KANSL1L: variants seen among roughly 807,000 people sequenced by gnomAD.
KANSL1L encodes KAT8 regulatory NSL complex subunit 1 like.
KANSL1L carries 25 observed loss-of-function variants against 108.6 expected under a neutral mutation model. The observed-to-expected ratio is 0.23, with a 90% CI of 0.17 to 0.32. KANSL1L has a LOEUF of 0.32. Among genes scored for constraint, KANSL1L ranks in the 10% least tolerant of loss-of-function variants. KANSL1L has a pLI of 1.00. For missense variants in KANSL1L, 1,137 were observed against 1,125.7 expected (o/e 1.01, Z -0.14); for synonymous variants, 405 against 395.1 (o/e 1.03, Z -0.30).
intron 12 of KANSL1L, 21 bp downstream of exon 12, chr2:210,027,275 A>C: frequency 6.5e-7 from 1 of 1,540,522 alleles, no homozygotes. Flanking sequence ...CAATTATCCC[A>C]TTAAATGAAA....
chr2:210,100,844 C>A (rs541439237), intron 4 of KANSL1L, among the ~76,000 whole-genome samples: 2 of 152,208 alleles, frequency 1.3e-5, no homozygotes, highest in African/African-American at 4.8e-5. Flanking sequence ...CCCTGTGTTG[C>A]CCAGGCTGGT....
intron 2 of KANSL1L, among the ~76,000 whole-genome samples, chr2:210,130,992 A>G (rs1308836768): frequency 6.6e-6 from 1 of 152,136 alleles, no homozygotes; most frequent in Non-Finnish European, 1.5e-5. Flanking sequence ...TATTTCACGT[A>G]CCGCCCTACA....
intron 8 of KANSL1L, among the ~76,000 whole-genome samples, chr2:210,038,063 T>C (rs2094127104): frequency 6.6e-6 from 1 of 152,130 alleles, no homozygotes; most frequent in South Asian, 2.1e-4. Flanking sequence ...TCCATCCTTA[T>C]ATGAACTTTT....
chr2:210,032,029 A>G (rs1247712641), intron 8 of KANSL1L: 8 of 152,642 alleles, frequency 5.2e-5, no homozygotes, highest in Non-Finnish European at 1.2e-4. Context: ...ACATGAGTTT[A>G]TTCCTGTAGT....
intron 5 of KANSL1L, among the ~76,000 whole-genome samples, chr2:210,085,837 CTT>C (rs952302616): frequency 2.7e-5 from 4 of 150,394 alleles, no homozygotes; most frequent in Non-Finnish European, 3.0e-5. Flanking sequence ...AATATATTCA[CTT>C]ATATAATATT....
At chr2:210,074,957 G>A (rs1440540514) in intron 6 of KANSL1L, among the ~76,000 whole-genome samples, 1 of 152,104 alleles carries the variant, frequency 6.6e-6, no homozygotes, top group Non-Finnish European at 1.5e-5. Flanking sequence ...ACTAAAGGAA[G>A]TATACCCATT....
intron 6 of KANSL1L, among the ~76,000 whole-genome samples, chr2:210,056,453 T>C (rs1003153727): frequency 6.6e-6 from 1 of 152,142 alleles, no homozygotes; most frequent in Admixed American, 6.6e-5. Flanking sequence ...TCATTCACAT[T>C]TGATGAGGAT....
chr2:210,036,515 T>C (rs2094105573), intron 8 of KANSL1L, among the ~76,000 whole-genome samples: 1 of 152,106 alleles, frequency 6.6e-6, no homozygotes. Flanking sequence ...TCCATTATAC[T>C]ATATAATAGT....
intron 8 of KANSL1L, among the ~76,000 whole-genome samples, chr2:210,033,443 T>TA (rs1216758603): frequency 1.3e-5 from 2 of 152,328 alleles, no homozygotes; most frequent in Middle Eastern, 3.4e-3. Context: ...AAGCAAATCA[T>TA]AGACAATTAA....
At position 210,105,286 on chromosome 2, in the gene KANSL1L, G is replaced by GTT. The variant is rs375978743; in HGVS notation, c.1231-987_1231-986dup. 6.9e-5 allele frequency among the ~76,000 whole-genome samples: 10 copies of GTT among 145,876 alleles called. No individual in the cohort carries two copies. The East Asian group carries it at 1.6e-3, about 23-fold the overall frequency. On this transcript the variant is annotated intron_variant, in intron 3 of 14. Coordinates refer to ENST00000281772, the MANE Select transcript of KANSL1L (RefSeq NM_152519.4). ...TATATTACACATACACAGATATTAT[G>GTT]TTATATATATACTGATATTACATAT...
chr2:210,030,394 T>TA, intron 9 of KANSL1L, among the ~76,000 whole-genome samples: 1 of 152,072 alleles, frequency 6.6e-6, no homozygotes, highest in Admixed American at 6.5e-5. Context: ...ACTCTTTTTT[T>TA]AAAACAGCAT....
chr2:210,034,217 T>C (rs2094067896), intron 8 of KANSL1L, among the ~76,000 whole-genome samples: 1 of 152,250 alleles, frequency 6.6e-6, no homozygotes. Flanking sequence ...TGTTAAGGAA[T>C]GCAATTGTAA....
At chr2:210,108,626 CGT>C (rs1238248398) in intron 3 of KANSL1L, among the ~76,000 whole-genome samples, 1 of 151,906 alleles carries the variant, frequency 6.6e-6, no homozygotes, top group Non-Finnish European at 1.5e-5. Context: ...CTATAAAAAA[CGT>C]GTGAAATTAT....
chr2:210,138,993 G>T (rs1309020608), intron 2 of KANSL1L, among the ~76,000 whole-genome samples: 1 of 152,108 alleles, frequency 6.6e-6, no homozygotes, highest in East Asian at 1.9e-4. Context: ...CAGCTACTGG[G>T]GAGGCTGAGG....
intron 6 of KANSL1L, among the ~76,000 whole-genome samples, chr2:210,048,065 TTA>T (rs2094245131): frequency 6.6e-6 from 1 of 152,192 alleles, no homozygotes; most frequent in African/African-American, 2.4e-5. Context: ...CTTTTGCCAT[TTA>T]TGTGTTAAGC....
intron 3 of KANSL1L, among the ~76,000 whole-genome samples, chr2:210,122,008 T>G (rs1315533452): frequency 2.0e-5 from 3 of 152,008 alleles, no homozygotes; most frequent in East Asian, 1.9e-4. Context: ...ATGAAACCTA[T>G]AAAACATTGA....
chr2:210,053,241 A>G (rs1232444863), intron 6 of KANSL1L, among the ~76,000 whole-genome samples: 3 of 152,132 alleles, frequency 2.0e-5, no homozygotes. Context: ...ATTACAATGG[A>G]CTGTTTTGTC....
intron 3 of KANSL1L, among the ~76,000 whole-genome samples, chr2:210,107,495 C>T (rs929867613): frequency 6.8e-6 from 1 of 146,914 alleles, no homozygotes; most frequent in Non-Finnish European, 1.5e-5. Flanking sequence ...TTGCTAATAA[C>T]TGCTTTCTTC....
At chr2:210,094,117 AT>A (rs1159418861) in intron 5 of KANSL1L, among the ~76,000 whole-genome samples, 1 of 152,160 alleles carries the variant, frequency 6.6e-6, no homozygotes, top group Admixed American at 6.5e-5. Context: ...AATAAAAAAA[AT>A]TCTGAAGATG....
Sources: gnomAD v4.1 joint callset for allele counts (sites outside exome capture counted in the v4.1 genomes callset) on GRCh38, gnomAD v4.1.1 for gene constraint, MANE v1.5 for transcripts, NCBI Gene and HGNC (gene_info 2026-07-23, HGNC 2026-07-21) for gene names.